ENOX1: variants seen among roughly 807,000 people sequenced by gnomAD.
ENOX1 encodes the protein ecto-NOX disulfide-thiol exchanger 1.
In ENOX1, 42 loss-of-function variants were observed where a neutral mutation model predicts 82.5. The ratio of observed to expected loss-of-function variants is 0.51; its 90% confidence interval spans 0.40 to 0.66. ENOX1 has a LOEUF of 0.66. ENOX1 is among the 30% of genes least tolerant of loss of function. The pLI, the probability that ENOX1 is intolerant of heterozygous loss-of-function variation, is 0.00. For synonymous variants in ENOX1, 271 were observed against 282.2 expected (o/e 0.96, Z 0.40); for missense variants, 608 against 811.6 (o/e 0.75, Z 3.05).
intron 11 of ENOX1, among the ~76,000 whole-genome samples, chr13:43,315,914 G>A (rs2047452891): frequency 6.6e-6 from 1 of 152,194 alleles, no homozygotes; most frequent in Admixed American, 6.5e-5. Context: ...GTAGATAATG[G>A]TGTTCCTGGC....
chr13:43,486,466 T>G (rs1405314636), intron 2 of ENOX1, among the ~76,000 whole-genome samples: 1 of 152,148 alleles, frequency 6.6e-6, no homozygotes, highest in Non-Finnish European at 1.5e-5. Context: ...GTAGGCCCAG[T>G]TTTTATAAAA....
At chr13:43,250,573 T>A (rs1237425455) in intron 14 of ENOX1, among the ~76,000 whole-genome samples, 1 of 152,222 alleles carries the variant, frequency 6.6e-6, no homozygotes, top group African/African-American at 2.4e-5. Flanking sequence ...TATTTTCTTT[T>A]GGGGGCTGAA....
intron 2 of ENOX1, among the ~76,000 whole-genome samples, chr13:43,645,495 A>C (rs964706126): frequency 2.6e-5 from 4 of 152,186 alleles, no homozygotes; most frequent in Admixed American, 6.5e-5. Flanking sequence ...GGCATCATCC[A>C]TTGTCAAAGT....
intron 12 of ENOX1, among the ~76,000 whole-genome samples, chr13:43,280,679 T>C (rs925608496): frequency 3.3e-5 from 5 of 152,238 alleles, no homozygotes; most frequent in African/African-American, 1.2e-4. Context: ...TCACCTATAT[T>C]ACTTAACTCC....
Position 43,728,269 on chromosome 13 carries a change from A to G in ENOX1, c.-285+58383T>C, listed in dbSNP as rs571849293. Reference sequence around the variant, plus strand: ...GAGTAAAAGAAAAAGTGAAAACCTCAAAATCGTTAAGTCTTAGTTCCATTC... The same window carrying G: ...GAGTAAAAGAAAAAGTGAAAACCTCGAAATCGTTAAGTCTTAGTTCCATTC... On this transcript the variant is annotated intron_variant, in intron 1 of 16. Transcript: ENST00000690772. Among the ~76,000 whole-genome samples the G allele has an allele frequency of 2.0e-3, 312 of 152,352 alleles. 1 individual carries two copies. The highest frequency in any genetic ancestry group is 6.6e-3 in the South Asian group (32 of 4,828).
At chr13:43,603,362 CCTTTT>C (rs1445743486) in intron 2 of ENOX1, among the ~76,000 whole-genome samples, 1 of 130,260 alleles carries the variant, frequency 7.7e-6, no homozygotes, top group East Asian at 3.0e-4. Flanking sequence ...GCTTTTTTTT[CCTTTT>C]ATTTATTTTA....
chr13:43,617,463 A>C (rs1346322944), intron 2 of ENOX1, among the ~76,000 whole-genome samples: 2 of 152,252 alleles, frequency 1.3e-5, no homozygotes, highest in Non-Finnish European at 2.9e-5. Context: ...AGAGACAAAA[A>C]AGTCTGTTTT....
In ENOX1 at chr13:43,290,856, G is replaced by A. The variant is rs371060522; in HGVS notation, c.1446+7490C>T. ...AGCCTGGCCAACATGGTGAAACCCC[G>A]TCTCTACAAAAAATACAAAAATTAA... On this transcript the variant is annotated intron_variant, in intron 12 of 16. Transcript: ENST00000690772. Among the ~76,000 whole-genome samples, 21 of 152,052 alleles carry A rather than the reference G, an allele frequency of 1.4e-4. No individual in the cohort carries two copies. In the East Asian group the frequency reaches 2.1e-3, roughly 15 times the overall value.
intron 2 of ENOX1, among the ~76,000 whole-genome samples, chr13:43,643,287 G>T (rs558551592): frequency 6.6e-6 from 1 of 152,250 alleles, no homozygotes; most frequent in Admixed American, 6.5e-5. Context: ...TAAGAAGACA[G>T]ACTAATGATC....
At chr13:43,785,685 G>A (rs535838814) in intron 1 of ENOX1, among the ~76,000 whole-genome samples, 4 of 152,262 alleles carry the variant, frequency 2.6e-5, no homozygotes, top group African/African-American at 9.6e-5. Context: ...CACAGAGCTG[G>A]GCTTGCCCAC....
At chr13:43,364,151 A>AT (rs1218094147) in intron 5 of ENOX1, among the ~76,000 whole-genome samples, 1 of 152,204 alleles carries the variant, frequency 6.6e-6, no homozygotes, top group African/African-American at 2.4e-5. Context: ...GCACAGGAGC[A>AT]TATGATGTAC....
intron 3 of ENOX1, among the ~76,000 whole-genome samples, chr13:43,431,935 A>G (rs995517973): frequency 6.6e-6 from 1 of 152,096 alleles, no homozygotes; most frequent in Non-Finnish European, 1.5e-5. Flanking sequence ...CTGAACCACT[A>G]TTCCTCTGGC....
chr13:43,503,381 T>C (rs1039986562), intron 2 of ENOX1, among the ~76,000 whole-genome samples: 1 of 151,772 alleles, frequency 6.6e-6, no homozygotes, highest in African/African-American at 2.4e-5. Context: ...AAACAAAAAA[T>C]ACAATCCTAA....
Position 43,327,318 on chromosome 13 carries a change from T to C in ENOX1, c.1037-793A>G, listed in dbSNP as rs2048169893. On this transcript the variant is annotated intron_variant, in intron 9 of 16. Coordinates refer to ENST00000690772, the MANE Select transcript of ENOX1 (RefSeq NM_001347969.2). ...CCCGCCCTCTGGCTCCCAGACCACT[T>C]GAAGTTCTAACTCTATTATCTTGAC... Among the ~76,000 whole-genome samples the C allele has an allele frequency of 4.6e-5, 7 of 152,218 alleles. No homozygotes were observed. In the South Asian group the frequency reaches 1.4e-3, roughly 31 times the overall value.
chr13:43,232,854 T>C (rs998021798), intron 15 of ENOX1, among the ~76,000 whole-genome samples: 1 of 152,232 alleles, frequency 6.6e-6, no homozygotes, highest in African/African-American at 2.4e-5. Context: ...AAATCTATTG[T>C]GTTGGAATTA....
chr13:43,344,914 C>T (rs1377289507), intron 8 of ENOX1, among the ~76,000 whole-genome samples, 164 bp from the exon 9 acceptor site: 2 of 152,206 alleles, frequency 1.3e-5, no homozygotes, highest in Admixed American at 1.3e-4. Context: ...CACTTAACTT[C>T]TCTTTTCCCA....
At chr13:43,382,840 C>T (rs116945193) in intron 5 of ENOX1, among the ~76,000 whole-genome samples, 198 of 152,128 alleles carry the variant, frequency 1.3e-3, no homozygotes, top group African/African-American at 4.2e-3. Context: ...TAGGTAAAAA[C>T]GAAAACACTG....
At chr13:43,592,784 G>A (rs2153726192) in intron 2 of ENOX1, among the ~76,000 whole-genome samples, 1 of 152,230 alleles carries the variant, frequency 6.6e-6, no homozygotes, top group South Asian at 2.1e-4. Flanking sequence ...GCAGAGGAAG[G>A]CCCTGAAAAC....
chr13:43,244,343 G>A (rs1265046982), intron 14 of ENOX1, among the ~76,000 whole-genome samples: 1 of 151,970 alleles, frequency 6.6e-6, no homozygotes, highest in Non-Finnish European at 1.5e-5. Context: ...AGGATTGATT[G>A]GATATGGAAC....
Sources: allele counts gnomAD v4.1 joint callset (sites outside exome capture counted in the v4.1 genomes callset), GRCh38; gene constraint gnomAD v4.1.1; transcripts MANE v1.5; gene names NCBI Gene and HGNC (gene_info 2026-07-23, HGNC 2026-07-21).